TSPEAR: variants seen among roughly 807,000 people sequenced by gnomAD.
The protein encoded by TSPEAR is thrombospondin type laminin G domain and EAR repeats.
Under a neutral mutation model 71.6 loss-of-function variants are expected in TSPEAR, and 69 were observed. The observed-to-expected ratio is 0.96, with a 90% CI of 0.79 to 1.18. The LOEUF (loss-of-function observed/expected upper bound fraction) is 1.18. Among genes scored for constraint, TSPEAR ranks in the 50% most tolerant of loss-of-function variants. TSPEAR has a pLI of 0.00. For missense variants in TSPEAR, 971 were observed against 894.9 expected, an observed-to-expected ratio of 1.09 and a Z score of -1.09; for synonymous variants, 402 against 387.2, an observed-to-expected ratio of 1.04 and a Z score of -0.45.
chr21:44,660,005 G>T (rs880002991), intron 1 of TSPEAR, among the ~76,000 whole-genome samples: 28 of 152,290 alleles, frequency 1.8e-4, no homozygotes, highest in African/African-American at 6.0e-4. Flanking sequence ...CCTTCAGTGG[G>T]TTCATCAGTA....
intron 1 of TSPEAR, chr21:44,602,229 C>T (rs1460931887): frequency 1.6e-5 from 3 of 185,346 alleles, no homozygotes; most frequent in Non-Finnish European, 3.5e-5. Flanking sequence ...TGATGCCCCC[C>T]ACCCGCGGGT....
chr21:44,644,657 G>C (rs2838610), intron 1 of TSPEAR, among the ~76,000 whole-genome samples: 1 of 151,938 alleles, frequency 6.6e-6, no homozygotes, highest in African/African-American at 2.4e-5. Flanking sequence ...TGATGTCCAA[G>C]GAAACAAGAA....
Position 44,573,758 on chromosome 21 carries a change from C to T in TSPEAR, c.83-5753G>A, listed in dbSNP as rs367939631. 12 of 1,611,162 alleles carry T rather than the reference C, an allele frequency of 7.4e-6. 1 individual carries two copies. In the African/African-American group the frequency reaches 1.1e-4, roughly 14 times the overall value. ...CAACCCCCAGCACAGCAGCATCCAC[C>T]ATGTCCGTCTGCTCCAGCGACCTGA... On this transcript the variant is annotated intron_variant, in intron 1 of 11. Coordinates refer to ENST00000323084, the MANE Select transcript of TSPEAR (RefSeq NM_144991.3).
chr21:44,672,085 T>C (rs1350086318), intron 1 of TSPEAR, among the ~76,000 whole-genome samples: 1 of 151,818 alleles, frequency 6.6e-6, no homozygotes, highest in East Asian at 1.9e-4. Context: ...GCTTCAACAA[T>C]ATACCAGATC....
intron 10 of TSPEAR, among the ~76,000 whole-genome samples, chr21:44,505,711 G>T (rs2145913772): frequency 6.6e-6 from 1 of 151,868 alleles, no homozygotes; most frequent in South Asian, 2.1e-4. Flanking sequence ...AGTGACTCAA[G>T]GTTCATCCGT....
chr21:44,536,620 A>G (rs2053094917), intron 2 of TSPEAR, among the ~76,000 whole-genome samples: 1 of 152,246 alleles, frequency 6.6e-6, no homozygotes, highest in South Asian at 2.1e-4. Flanking sequence ...CTTTCTCATG[A>G]AAGTCAGGAA....
rs1555938651 is a variant in TSPEAR at position 44,642,001 on chromosome 21, A to C, written c.82+69432T>G. Among the ~76,000 whole-genome samples, 2 of 152,248 alleles carry C rather than the reference A, an allele frequency of 1.3e-5. No homozygotes were observed. The highest frequency in any genetic ancestry group is 2.4e-5 in the African/African-American group (1 of 41,460). On this transcript the variant is annotated intron_variant, in intron 1 of 11. Transcript: ENST00000323084. This position sits in a 1 kb window ranked among gnomAD's most constrained non-coding sequence, Gnocchi z 4.1. ...ACAGACACCCATCAAGGAAAATCTAAAGAAAATAAAAATAAAGTCTAATAA... is the reference window on the plus strand; with the variant it reads ...ACAGACACCCATCAAGGAAAATCTACAGAAAATAAAAATAAAGTCTAATAA...
chr21:44,537,530 A>T (rs1188931689), intron 2 of TSPEAR, among the ~76,000 whole-genome samples: 1 of 152,246 alleles, frequency 6.6e-6, no homozygotes, highest in East Asian at 1.9e-4. Flanking sequence ...TTCTCAGACA[A>T]AAGAGATGTT....
At chr21:44,543,020 A>C (rs1377618207) in intron 2 of TSPEAR, among the ~76,000 whole-genome samples, 2 of 152,198 alleles carry the variant, frequency 1.3e-5, no homozygotes, top group African/African-American at 4.8e-5. Context: ...AAAGAAGCAC[A>C]AAGCTAGAAT....
At chr21:44,559,600 A>G (rs1286443923) in intron 2 of TSPEAR, among the ~76,000 whole-genome samples, 2 of 152,200 alleles carry the variant, frequency 1.3e-5, no homozygotes, top group African/African-American at 4.8e-5. Context: ...ATCAGAATGT[A>G]TTAGTTCTAC....
At chr21:44,616,884 C>T (rs782345938) in intron 1 of TSPEAR, among the ~76,000 whole-genome samples, 2 of 152,206 alleles carry the variant, frequency 1.3e-5, no homozygotes, top group South Asian at 2.1e-4. Context: ...CTTCTGGGGC[C>T]GAACAACCCA....
At chr21:44,565,481 A>G (rs587705231) in intron 2 of TSPEAR, among the ~76,000 whole-genome samples, 84 of 152,312 alleles carry the variant, frequency 5.5e-4, no homozygotes, top group African/African-American at 1.9e-3. Flanking sequence ...GATACTAGCA[A>G]TCTGAATCCA....
chr21:44,567,563 G>A (rs1569190154), intron 2 of TSPEAR, among the ~76,000 whole-genome samples: 1 of 152,158 alleles, frequency 6.6e-6, no homozygotes, highest in African/African-American at 2.4e-5. Context: ...CTCGATTGCA[G>A]GAATTGGCTG....
Position 44,612,304 on chromosome 21 carries a change from A to T in TSPEAR, c.83-44299T>A. ...GCTGTACCCCTAGCTGCTGTGCCCC[A>T]GCCCCCTGCCTGGCCCTGGTCTGTG... On this transcript the variant is annotated intron_variant, in intron 1 of 11. Transcript: ENST00000323084. The surrounding 1 kb of genome is among the most constrained non-coding windows in gnomAD (Gnocchi z 4.1). 1 of 1,613,480 alleles carries T rather than the reference A, an allele frequency of 6.2e-7. No individual in the cohort carries two copies.
Position 44,512,489 on chromosome 21 carries a change from C to T in TSPEAR, c.1567-3103G>A, listed in dbSNP as rs1015363309. Among the ~76,000 whole-genome samples the T allele has an allele frequency of 5.9e-5, 9 of 152,218 alleles. No individual in the cohort carries two copies. The East Asian group carries it at 7.7e-4, about 13-fold the overall frequency. ...ACCACTCAGAGAACCTGGTATTTCC[C>T]TAGGCATGGGTGGCACACGGGCTGC... On this transcript the variant is annotated intron_variant, in intron 9 of 11. Transcript: ENST00000323084.
At chr21:44,688,589 G>A (rs577496479) in intron 1 of TSPEAR, among the ~76,000 whole-genome samples, 4 of 152,258 alleles carry the variant, frequency 2.6e-5, no homozygotes, top group South Asian at 2.1e-4. Flanking sequence ...GTATGGTGGC[G>A]GGCGCCTGTA....
chr21:44,504,788 A>C lies in TSPEAR; in HGVS notation c.1848T>G (p.Ile616Met). 6.2e-7 allele frequency: 1 copy of C among 1,612,768 alleles called. No homozygotes were observed. The highest frequency in any genetic ancestry group is 1.1e-5 in the South Asian group (1 of 91,062). The change falls in exon 11 of 12, where the codon ATT (isoleucine) becomes ATG (methionine). Residue 616 changes from isoleucine (I) to methionine (M), a missense_variant. Coordinates refer to ENST00000323084, the MANE Select transcript of TSPEAR (RefSeq NM_144991.3). ...FDGRTFSVNSIIYRWQGYEGF... is the reference protein window; with the variant it reads ...FDGRTFSVNSMIYRWQGYEGF... ...CCTCGGCAGCTCATTACCTGTAAATAATACTGTTCACCGAGAAGGTACGCC... is the reference window on the plus strand; with the variant it reads ...CCTCGGCAGCTCATTACCTGTAAATCATACTGTTCACCGAGAAGGTACGCC...
chr21:44,528,770 C>T (rs145196818), intron 5 of TSPEAR, among the ~76,000 whole-genome samples, 187 bp from the exon 6 acceptor site: 5 of 152,346 alleles, frequency 3.3e-5, no homozygotes, highest in East Asian at 3.9e-4. Flanking sequence ...CCTGGCCTAC[C>T]GGTGACGAAG....
intron 3 of TSPEAR, among the ~76,000 whole-genome samples, chr21:44,531,838 A>T (rs1555915809): frequency 1.3e-5 from 2 of 152,212 alleles, no homozygotes; most frequent in African/African-American, 4.8e-5. Context: ...GTGGAGGCTG[A>T]ACTCCGGAGA....
Sources: allele counts gnomAD v4.1 joint callset (sites outside exome capture counted in the v4.1 genomes callset), GRCh38; gene constraint gnomAD v4.1.1; non-coding constraint Gnocchi (gnomAD v3.1); transcripts MANE v1.5; gene names NCBI Gene and HGNC (gene_info 2026-07-23, HGNC 2026-07-21).